The following PPID variants were observed in gnomAD, a reference collection of about 807,000 sequenced individuals.
The protein encoded by PPID is peptidyl-prolyl cis-trans isomerase D.
A neutral mutation model predicts 48.1 loss-of-function variants in PPID; 47 were observed. That is an observed-to-expected ratio of 0.98 (90% CI 0.77 to 1.25). The LOEUF (loss-of-function observed/expected upper bound fraction) is 1.25. PPID is among the 50% of genes most tolerant of loss of function. The pLI, the probability that PPID is intolerant of heterozygous loss-of-function variation, is 0.00. For missense variants in PPID, 429 were observed against 443.5 expected, an observed-to-expected ratio of 0.97 and a Z score of 0.29; for synonymous variants, 163 against 148.8, an observed-to-expected ratio of 1.10 and a Z score of -0.69.
chr4:158,716,462 G>A (rs1175706190), intron 4 of PPID, among the ~76,000 whole-genome samples: 2 of 150,214 alleles, frequency 1.3e-5, no homozygotes, highest in African/African-American at 4.9e-5. Context: ...GGTATAGGAA[G>A]ACTTAACGTA....
At chr4:158,712,813 A>G (rs1774811274) in intron 7 of PPID, among the ~76,000 whole-genome samples, 1 of 152,102 alleles carries the variant, frequency 6.6e-6, no homozygotes, top group Admixed American at 6.5e-5. Context: ...CCCACATCTT[A>G]ATCATTTCTG....
At chr4:158,715,243 GTTTATAATTCAA>G in intron 6 of PPID, 42 bp downstream of exon 6, 1 of 1,297,396 alleles carries the variant, frequency 7.7e-7, no homozygotes, top group Non-Finnish European at 1.0e-6. Flanking sequence ...CTTAATTTTA[GTTTATAATTCAA>G]TTTATAATTT....
intron 2 of PPID, among the ~76,000 whole-genome samples, chr4:158,720,430 CTATT>C (rs1180899258): frequency 2.6e-5 from 4 of 151,904 alleles, no homozygotes; most frequent in East Asian, 3.9e-4. Context: ...GCTTATTTGC[CTATT>C]TATTAAACAA....
chr4:158,723,120 G>T, intron 1 of PPID, 84 bp downstream of exon 1: 1 of 1,359,708 alleles, frequency 7.4e-7, no homozygotes, highest in Non-Finnish European at 1.0e-6. Flanking sequence ...ACCGGCCGGA[G>T]CCGCATTCCG....
In PPID at chr4:158,723,351, A is replaced by G; in HGVS notation, c.-63T>C. The G allele has an allele frequency of 2.7e-6, 4 of 1,494,518 alleles. No individual in the cohort carries two copies. Among genetic ancestry groups the G allele is most frequent in the Non-Finnish European group, 3.7e-6 (4 of 1,078,736 alleles). 92.6% of individuals were successfully genotyped at this position (1,494,518 alleles called of 1,614,324 possible). Reference sequence around the variant, plus strand: ...TACCTAGTGGCCGCCCGGGCCGCCCAAACTCCAGAGTCCGTCTCCGCCGGA... The same window carrying G: ...TACCTAGTGGCCGCCCGGGCCGCCCGAACTCCAGAGTCCGTCTCCGCCGGA... On this transcript the variant is annotated 5_prime_UTR_variant, in exon 1 of 10. Coordinates refer to ENST00000307720, the MANE Select transcript of PPID (RefSeq NM_005038.3).
At chr4:158,722,716 TA>T (rs1437020006) in intron 1 of PPID, among the ~76,000 whole-genome samples, 3 of 152,228 alleles carry the variant, frequency 2.0e-5, no homozygotes, top group South Asian at 2.1e-4. Context: ...AACGGACCTC[TA>T]AATTAAGAAT....
chr4:158,722,979 G>C (rs1383989769), intron 1 of PPID, among the ~76,000 whole-genome samples: 1 of 152,226 alleles, frequency 6.6e-6, no homozygotes, highest in Non-Finnish European at 1.5e-5. Flanking sequence ...TCCCGAACTA[G>C]AAATTTCCAG....
chr4:158,711,347 T>TC (rs1774787934), intron 7 of PPID, among the ~76,000 whole-genome samples: 1 of 151,496 alleles, frequency 6.6e-6, no homozygotes, highest in African/African-American at 2.4e-5. Flanking sequence ...CACCTCAGCC[T>TC]CCAAGTAGCT....
chr4:158,722,000 G>T (rs1420903076), intron 1 of PPID, among the ~76,000 whole-genome samples: 2 of 152,194 alleles, frequency 1.3e-5, no homozygotes, highest in African/African-American at 4.8e-5. Flanking sequence ...TGGCTATCAT[G>T]AATAATGCTG....
At chr4:158,722,527 T>C (rs369462756) in intron 1 of PPID, among the ~76,000 whole-genome samples, 172 of 152,336 alleles carry the variant, frequency 1.1e-3, no homozygotes, top group Middle Eastern at 3.4e-3. Context: ...TTCAAACACA[T>C]TGCCTGGCCA....
chr4:158,710,893 T>G lies in PPID; in HGVS notation c.895-45A>C, dbSNP rs185694838. ...TAGTATTTATATCAAAGTATTAAGC[T>G]TATATGCCAGATTTCAATTCATTGC... On this transcript the variant is annotated intron_variant, in intron 7 of 9. Transcript: ENST00000307720. 54 of 1,503,598 alleles carry G rather than the reference T, an allele frequency of 3.6e-5. No homozygotes were observed. The African/African-American group carries it at 4.4e-4, about 12-fold the overall frequency. 93.1% of individuals were successfully genotyped at this position (1,503,598 alleles called of 1,614,324 possible). A position where few individuals can be genotyped will look rare whatever the true frequency, so the allele number is the denominator to read the frequency against.
intron 2 of PPID, 89 bp downstream of exon 2, chr4:158,721,254 A>G (rs973162896): frequency 1.5e-5 from 22 of 1,463,272 alleles, no homozygotes; most frequent in South Asian, 6.1e-5. Flanking sequence ...TTTAAGCTTC[A>G]CTTCCTACTT....
At chr4:158,719,905 T>C (rs1774930013) in intron 2 of PPID, among the ~76,000 whole-genome samples, 1 of 152,214 alleles carries the variant, frequency 6.6e-6, no homozygotes, top group Non-Finnish European at 1.5e-5. Context: ...CACAGCGAGA[T>C]GACGGGAAAG....
chr4:158,719,641 G>C (rs976874200), intron 2 of PPID, among the ~76,000 whole-genome samples: 2 of 152,126 alleles, frequency 1.3e-5, no homozygotes, highest in African/African-American at 4.8e-5. Flanking sequence ...TTCCAGCAAT[G>C]ATCTCCTTAA....
intron 4 of PPID, among the ~76,000 whole-genome samples, chr4:158,716,082 T>A (rs1307892240): frequency 4.0e-5 from 6 of 150,522 alleles, no homozygotes; most frequent in African/African-American, 1.5e-4. Context: ...CGTTTAGGGG[T>A]TTTTCTTTTT....
At chr4:158,720,468 T>C (rs1232141108) in intron 2 of PPID, among the ~76,000 whole-genome samples, 1 of 152,228 alleles carries the variant, frequency 6.6e-6, no homozygotes, top group African/African-American at 2.4e-5. Flanking sequence ...TCTTACTCAA[T>C]AACTGTATTA....
At chr4:158,719,041 A>G (rs1156963665) in intron 3 of PPID, 139 bp downstream of exon 3, 2 of 578,170 alleles carry the variant, frequency 3.5e-6, no homozygotes, top group Non-Finnish European at 6.0e-6. Context: ...AAGAACCATT[A>G]TTTACAAAAG....
In PPID at chr4:158,717,171, T is replaced by C; in HGVS notation, c.363A>G (p.Ala121=). 6.2e-7 allele frequency: 1 copy of C among 1,614,078 alleles called. No individual in the cohort carries two copies. The highest frequency in any genetic ancestry group is 8.5e-7 in the Non-Finnish European group (1 of 1,179,978). Residue 121 remains alanine, a synonymous_variant, in exon 4 of 10, where the codon GCA becomes GCG. Coordinates refer to ENST00000307720, the MANE Select transcript of PPID (RefSeq NM_005038.3). ...KHDREGLLSM[A]NAGRNTNGSQ... ...AACCGTTTGTGTTGCGGCCTGCATTTGCCATGCTCAGTAAACCCTCCCGAT... is the reference window on the plus strand; with the variant it reads ...AACCGTTTGTGTTGCGGCCTGCATTCGCCATGCTCAGTAAACCCTCCCGAT...
At chr4:158,716,936 G>A in intron 4 of PPID, 76 bp downstream of exon 4, 1 of 1,469,156 alleles carries the variant, frequency 6.8e-7, no homozygotes, top group Non-Finnish European at 9.5e-7. Context: ...ACTCCAGCCT[G>A]GAACAGATCG....
Sources: gnomAD v4.1 joint callset for allele counts (sites outside exome capture counted in the v4.1 genomes callset) on GRCh38, gnomAD v4.1.1 for gene constraint, MANE v1.5 for transcripts, NCBI Gene and HGNC (gene_info 2026-07-23, HGNC 2026-07-21) for gene names.